ABTB3: variants seen among roughly 807,000 people sequenced by gnomAD.
ABTB3 encodes ankyrin repeat and BTB domain containing 3.
At chr12:107,484,363 C>T in the ABTB3 span, among the ~76,000 whole-genome samples, 1 of 152,080 alleles carries the variant, frequency 6.6e-6, no homozygotes, top group South Asian at 2.1e-4. Flanking sequence ...TGGCTCCAGG[C>T]AGAGGGATGA....
chr12:107,613,382 C>A, the ABTB3 span, among the ~76,000 whole-genome samples: 3 of 152,166 alleles, frequency 2.0e-5, no homozygotes, highest in African/African-American at 2.4e-5. Flanking sequence ...GATCTTAAAG[C>A]TAATCTCAGA....
chr12:107,508,736 C>T, the ABTB3 span, among the ~76,000 whole-genome samples: 316 of 152,242 alleles, frequency 2.1e-3, 3 homozygotes, highest in African/African-American at 7.3e-3. Context: ...GCGTGAGCCA[C>T]CGTGCCCAGC....
At chr12:107,366,245 T>A in the ABTB3 span, among the ~76,000 whole-genome samples, 1 of 152,206 alleles carries the variant, frequency 6.6e-6, no homozygotes, top group Non-Finnish European at 1.5e-5. Context: ...CACAGATGAC[T>A]GTTGAATGAG....
At chr12:107,464,976 A>C in the ABTB3 span, among the ~76,000 whole-genome samples, 84 of 142,376 alleles carry the variant, frequency 5.9e-4, no homozygotes, top group Admixed American at 1.2e-3. Context: ...ACACACACAC[A>C]CCCCAGAGAA....
chr12:107,622,672 C>T, the ABTB3 span, among the ~76,000 whole-genome samples: 4 of 152,150 alleles, frequency 2.6e-5, no homozygotes, highest in African/African-American at 7.2e-5. Context: ...CAAGGTTTCA[C>T]CATGTTGGCC....
chr12:107,631,668 G>C, the ABTB3 span, among the ~76,000 whole-genome samples: 4 of 152,200 alleles, frequency 2.6e-5, no homozygotes, highest in South Asian at 8.3e-4. Context: ...GGGTGACCTT[G>C]AAAGTTTTGA....
chr12:107,333,950 G>A, the ABTB3 span, among the ~76,000 whole-genome samples: 1 of 152,222 alleles, frequency 6.6e-6, no homozygotes, highest in African/African-American at 2.4e-5. Context: ...TGAAGGAGGT[G>A]AGGGAATTGA....
the ABTB3 span, among the ~76,000 whole-genome samples, chr12:107,643,607 C>G: frequency 3.4e-5 from 5 of 147,954 alleles, no homozygotes; most frequent in East Asian, 1.9e-4. Context: ...GGTCATAGCC[C>G]TTTCCTGAAT....
chr12:107,624,244 A>T, the ABTB3 span, among the ~76,000 whole-genome samples: 6 of 151,502 alleles, frequency 4.0e-5, no homozygotes, highest in Admixed American at 1.3e-4. Context: ...TGAAAAACTC[A>T]AAACTTAAAA....
At chr12:107,540,493 C>T in the ABTB3 span, among the ~76,000 whole-genome samples, 2 of 152,264 alleles carry the variant, frequency 1.3e-5, no homozygotes, top group East Asian at 3.9e-4. Flanking sequence ...TACCGGCTAT[C>T]TAGGTGTCCT....
chr12:107,415,664 C>T, the ABTB3 span, among the ~76,000 whole-genome samples: 248 of 151,578 alleles, frequency 1.6e-3, no homozygotes, highest in Non-Finnish European at 3.0e-3. Flanking sequence ...TCCGAGATCA[C>T]GCCACTGCAC....
chr12:107,339,349 T>G, the ABTB3 span, among the ~76,000 whole-genome samples: 1 of 152,204 alleles, frequency 6.6e-6, no homozygotes, highest in African/African-American at 2.4e-5. Context: ...TGCACCGGAT[T>G]CTTGAAAAGA....
chr12:107,389,690 GTTC>G, the ABTB3 span, among the ~76,000 whole-genome samples: 1 of 151,722 alleles, frequency 6.6e-6, no homozygotes, highest in African/African-American at 2.4e-5. Flanking sequence ...CAGCTGGATG[GTTC>G]TTCTGCTCCA....
At chr12:107,486,733 GCC>G in the ABTB3 span, 1 of 81,748 alleles carries the variant, frequency 1.2e-5, no homozygotes. Flanking sequence ...GCTCTTAATA[GCC>G]AAAAAAAAAA....
chr12:107,335,053 A>G, the ABTB3 span, among the ~76,000 whole-genome samples: 6 of 152,066 alleles, frequency 3.9e-5, no homozygotes, highest in Non-Finnish European at 8.8e-5. Context: ...TGGGAGTCCA[A>G]GGTGGGAGGA....
At chr12:107,343,762 C>T in the ABTB3 span, among the ~76,000 whole-genome samples, 17 of 152,168 alleles carry the variant, frequency 1.1e-4, no homozygotes, top group Middle Eastern at 3.4e-3. Flanking sequence ...TGGCAGAAGA[C>T]GAAGGGGAAG....
At chr12:107,461,712 TG>T in the ABTB3 span, among the ~76,000 whole-genome samples, 1 of 152,162 alleles carries the variant, frequency 6.6e-6, no homozygotes, top group South Asian at 2.1e-4. Context: ...GTGGGGAAGT[TG>T]GGGAGGTAGA....
At chr12:107,524,531 T>C in the ABTB3 span, among the ~76,000 whole-genome samples, 1 of 152,162 alleles carries the variant, frequency 6.6e-6, no homozygotes, top group Non-Finnish European at 1.5e-5. Flanking sequence ...TAGTAGCTAA[T>C]AACAATAATA....
chr12:107,550,390 T>G, the ABTB3 span, among the ~76,000 whole-genome samples: 1 of 151,602 alleles, frequency 6.6e-6, no homozygotes, highest in African/African-American at 2.4e-5. Context: ...GCCTGGACCC[T>G]AACAAGGGAG....
Sources: allele counts gnomAD v4.1 joint callset (sites outside exome capture counted in the v4.1 genomes callset), GRCh38; gene constraint gnomAD v4.1.1; transcripts MANE v1.5; gene names NCBI Gene and HGNC (gene_info 2026-07-23, HGNC 2026-07-21).